Variants in MTF1 observed in about 807,000 individuals in gnomAD.
MTF1 encodes the protein MRE-binding transcription factor.
A neutral mutation model predicts 70.4 loss-of-function variants in MTF1; 22 were observed. The observed-to-expected ratio is 0.31, with a 90% CI of 0.22 to 0.45. The LOEUF (loss-of-function observed/expected upper bound fraction) is 0.45. MTF1 is among the 20% of genes least tolerant of loss of function. The pLI is 1.00. For synonymous variants in MTF1, 333 were observed against 352.8 expected (o/e 0.94, Z 0.63); for missense variants, 649 against 922.0 (o/e 0.70, Z 3.83).
At chr1:37,836,094 T>C (rs1641165937) in intron 4 of MTF1, among the ~76,000 whole-genome samples, 1 of 152,156 alleles carries the variant, frequency 6.6e-6, no homozygotes, top group Non-Finnish European at 1.5e-5. Context: ...CCACTGTGCC[T>C]GGCCTCTGAA....
At chr1:37,823,333 C>T (rs147772151) in intron 8 of MTF1, among the ~76,000 whole-genome samples, 2,185 of 152,040 alleles carry the variant, frequency 0.014, 33 homozygotes, top group Middle Eastern at 0.024. Flanking sequence ...GTCCCAGCTA[C>T]TCAGGAGGCT....
rs572286933 is a variant in MTF1, at chr1:37,814,930, GT to G, written c.*205del. 1.9e-3 allele frequency: 1,066 copies of G among 553,816 alleles called. 8 individuals carry two copies. The highest frequency in any genetic ancestry group is 0.019 in the African/African-American group (982 of 53,036). The allele number at this position is 553,816 out of a possible 1,614,324, so 34.3% of individuals were successfully genotyped here. On this transcript the variant is annotated 3_prime_UTR_variant, in exon 11 of 11. Transcript: ENST00000373036. ...CACTTATAACTTAGCTTTTTTTGTT[GT>G]TTTTTTTGTTTTTTGTTTTTTTCCA...
chr1:37,839,746 A>T (rs1300474359), intron 3 of MTF1, among the ~76,000 whole-genome samples, 174 bp downstream of exon 3: 1 of 152,134 alleles, frequency 6.6e-6, no homozygotes, highest in Non-Finnish European at 1.5e-5. Flanking sequence ...GCATTTTTAA[A>T]TTTTTTTCTT....
Position 37,857,432 on chromosome 1 carries a change from C to G in MTF1, c.227G>C (p.Gly76Ala), listed in dbSNP as rs1448722716. 1 of 1,614,036 alleles carries G rather than the reference C, an allele frequency of 6.2e-7. No homozygotes were observed. Among genetic ancestry groups the G allele is most frequent in the African/African-American group, 1.3e-5 (1 of 74,908 alleles). ...QCGEHLPFLV[G>A]GEEGFHLIDH... ...TATCAGGTGAAAGCCCTCTTCACCC[C>G]CTACTAGAAAAGGCAAGTGTTCTCC... The change falls in exon 2 of 11, where the codon GGG becomes GCG. Residue 76 changes from glycine (G) to alanine (A), a missense_variant. By Grantham distance (60) the Gly-to-Ala change is moderately conservative. Around this residue, in one of 7 missense-constraint regions of MTF1, gnomAD observed 44 missense variants for 38.1 expected, o/e 1.15. Coordinates refer to ENST00000373036, the MANE Select transcript of MTF1 (RefSeq NM_005955.3).
At chr1:37,820,515 C>G (rs368464856) in intron 9 of MTF1, among the ~76,000 whole-genome samples, 24 of 152,230 alleles carry the variant, frequency 1.6e-4, no homozygotes, top group African/African-American at 5.3e-4. Flanking sequence ...AGACCTACCT[C>G]CTAGGATTGT....
chr1:37,856,164 A>C (rs1052491774), intron 2 of MTF1, among the ~76,000 whole-genome samples: 6 of 143,520 alleles, frequency 4.2e-5, no homozygotes, highest in Non-Finnish European at 7.5e-5. Context: ...CTCTTGCCTG[A>C]ATTTCCTTTT....
In MTF1 at chr1:37,840,542, T is replaced by C. The variant is rs369725143; in HGVS notation, c.409-384A>G. On this transcript the variant is annotated intron_variant, in intron 2 of 10. Transcript: ENST00000373036. This position sits in a 1 kb window ranked among gnomAD's most constrained non-coding sequence, Gnocchi z 4.5. ...CCTGACCTCCAGAACTACAACTTGA[T>C]TGGAATTACCAATATTAAATTGAGT... 20 of 457,530 alleles carry C rather than the reference T, an allele frequency of 4.4e-5. 1 individual carries two copies. The highest frequency in any genetic ancestry group is 2.6e-4 in the African/African-American group (13 of 50,248). The allele number at this position is 457,530 out of a possible 1,614,324, so 28.3% of individuals were successfully genotyped here. A position where few individuals can be genotyped will look rare whatever the true frequency, so the allele number is the denominator to read the frequency against.
At position 37,822,289 on chromosome 1, in the gene MTF1, G is replaced by A. The variant is rs1419816163; in HGVS notation, c.1599C>T (p.Val533=). Residue 533 remains valine (V), a synonymous_variant, in exon 9 of 11, where the codon GTC becomes GTT. Transcript: ENST00000373036. ...AGTTGGCACCCAGGGGCAGAGTCTG[G>A]ACCATGGCTGGCAGGGGCTCAGTAG... is the stretch of plus-strand genomic sequence containing the variant. ...QSTTEPLPAM[V]QTLPLGANSV... is the part of the protein sequence containing the mutation. The A allele has an allele frequency of 1.2e-6, 2 of 1,614,066 alleles. No homozygotes were observed. The highest frequency in any genetic ancestry group is 2.7e-5 in the African/African-American group (2 of 74,932).
chr1:37,830,821 A>G (rs999965002), intron 7 of MTF1, among the ~76,000 whole-genome samples: 2 of 152,152 alleles, frequency 1.3e-5, no homozygotes, highest in African/African-American at 2.4e-5. Flanking sequence ...CTTAGAGTCT[A>G]TCCCACACAT....
intron 2 of MTF1, among the ~76,000 whole-genome samples, chr1:37,845,667 G>T (rs1641321400): frequency 1.3e-5 from 2 of 152,048 alleles, no homozygotes; most frequent in African/African-American, 2.4e-5. Flanking sequence ...ACCACGCCTG[G>T]CTAATTTTTG....
chr1:37,849,010 C>CAA (rs1641374563), intron 2 of MTF1, among the ~76,000 whole-genome samples: 1 of 152,288 alleles, frequency 6.6e-6, no homozygotes, highest in East Asian at 1.9e-4. Context: ...ACACTGGAGT[C>CAA]AGATTTTTCC....
At chr1:37,853,834 T>C (rs1641452231) in intron 2 of MTF1, among the ~76,000 whole-genome samples, 1 of 152,236 alleles carries the variant, frequency 6.6e-6, no homozygotes, top group Non-Finnish European at 1.5e-5. Flanking sequence ...CTATGATTAT[T>C]GGTGTAAACA....
rs778456735 is a variant in MTF1 at position 37,838,641 on chromosome 1, C to T, written c.763G>A (p.Gly255Arg). ...AAGACCTACCGAAATGGCTTTTCCC[C>T]TGTATGAGTTCGAATGTGCTTCCTC... ...DLRKHIRTHT[G>R]EKPFRCDHDG... The change falls in exon 4 of 11, where the codon GGG (glycine) becomes AGG (arginine). Residue 255 changes from glycine to arginine, a missense_variant. By Grantham distance (125) the Gly-to-Arg change is moderately radical. Coordinates refer to ENST00000373036, the MANE Select transcript of MTF1 (RefSeq NM_005955.3). 1 of 1,612,330 alleles carries T rather than the reference C, an allele frequency of 6.2e-7. No individual in the cohort carries two copies. The highest frequency in any genetic ancestry group is 2.2e-5 in the East Asian group (1 of 44,846).
chr1:37,859,293 C>T (rs1641561261), intron 1 of MTF1, among the ~76,000 whole-genome samples: 2 of 152,128 alleles, frequency 1.3e-5, no homozygotes, highest in Non-Finnish European at 2.9e-5. Context: ...CAGGGCTACA[C>T]AGAAAAATCC....
chr1:37,841,678 A>G (rs894740056), intron 2 of MTF1: 2 of 158,458 alleles, frequency 1.3e-5, no homozygotes, highest in African/African-American at 4.8e-5. Flanking sequence ...TGTGGCTATA[A>G]CACAGGAATT....
rs565831877 is a variant in MTF1 at position 37,831,005 on chromosome 1, T to C, written c.1068+1240A>G. On this transcript the variant is annotated intron_variant, in intron 7 of 10. Transcript: ENST00000373036. ...CCAGTAAGATTGAGTTTTTATAAGTTTGGCTGCCTCGTTGGGTGCCAACTG... is the reference window on the plus strand; with the variant it reads ...CCAGTAAGATTGAGTTTTTATAAGTCTGGCTGCCTCGTTGGGTGCCAACTG... Among the ~76,000 whole-genome samples, 4 of 152,334 alleles carry C rather than the reference T, an allele frequency of 2.6e-5. No individual in the cohort carries two copies. The South Asian group carries it at 6.2e-4, about 24-fold the overall frequency.
chr1:37,838,873 C>T lies in MTF1; in HGVS notation c.648-117G>A, dbSNP rs1025666256. 65 of 757,646 alleles carry T rather than the reference C, an allele frequency of 8.6e-5. No individual in the cohort carries two copies. The African/African-American group carries it at 9.1e-4, about 11-fold the overall frequency. The allele number at this position is 757,646 out of a possible 1,614,324, so 46.9% of individuals were successfully genotyped here. A position where few individuals can be genotyped will look rare whatever the true frequency, so the allele number is the denominator to read the frequency against. Reference sequence around the variant, plus strand: ...AGGCTGGAGTGCAATGGCGCAGTCTCGGCTCACTGCAACCTCCTCCTGCTA... The same window carrying T: ...AGGCTGGAGTGCAATGGCGCAGTCTTGGCTCACTGCAACCTCCTCCTGCTA... On this transcript the variant is annotated intron_variant, in intron 3 of 10. Transcript: ENST00000373036.
chr1:37,836,600 C>T (rs1479493918), intron 4 of MTF1, among the ~76,000 whole-genome samples: 2 of 152,176 alleles, frequency 1.3e-5, no homozygotes, highest in Non-Finnish European at 2.9e-5. Flanking sequence ...TATGGCAACT[C>T]TCATTTCCAA....
rs895096622 is a variant in MTF1 at position 37,839,957 on chromosome 1, C to A, written c.610G>T (p.Val204Leu). 1 of 1,614,210 alleles carries A rather than the reference C, an allele frequency of 6.2e-7. No homozygotes were observed. The highest frequency in any genetic ancestry group is 8.5e-7 in the Non-Finnish European group (1 of 1,180,022). The change falls in exon 3 of 11, where the codon GTG becomes TTG. Residue 204 changes from valine to leucine, a missense_variant. Val to Leu is a conservative substitution (Grantham distance 32). Around this residue, in one of 7 missense-constraint regions of MTF1, gnomAD observed 118 missense variants for 287.2 expected, o/e 0.41. Coordinates refer to ENST00000373036, the MANE Select transcript of MTF1 (RefSeq NM_005955.3). ...TTGAATGCCTTCTCACAGCCCTGCA[C>A]GTCACACTCAAATGGCTTCTCCTTC... ...HTKEKPFECD[V>L]QGCEKAFNTL...
Sources: gnomAD v4.1 joint callset for allele counts (sites outside exome capture counted in the v4.1 genomes callset) on GRCh38, gnomAD v4.1.1 for gene constraint, gnomAD v4.1.1 regional missense constraint, Gnocchi (gnomAD v3.1) non-coding constraint, MANE v1.5 for transcripts, NCBI Gene and HGNC (gene_info 2026-07-23, HGNC 2026-07-21) for gene names.